GRAMD2B: variants seen among roughly 807,000 people sequenced by gnomAD.
The protein encoded by GRAMD2B is GRAM domain-containing protein 2B.
Under a neutral mutation model 59.2 loss-of-function variants are expected in GRAMD2B, and 41 were observed. The observed-to-expected ratio is 0.69, with a 90% CI of 0.54 to 0.90. GRAMD2B has a LOEUF of 0.90. Ranked by LOEUF, GRAMD2B falls within the 40% of genes least tolerant of loss-of-function variation. The pLI, the probability that GRAMD2B is intolerant of heterozygous loss-of-function variation, is 0.00. For missense variants in GRAMD2B, 424 were observed against 500.5 expected (o/e 0.85, Z 1.46); for synonymous variants, 161 against 182.7 (o/e 0.88, Z 0.96).
At chr5:126,390,515 A>G (rs1262875550) in intron 1 of GRAMD2B, among the ~76,000 whole-genome samples, 1 of 152,254 alleles carries the variant, frequency 6.6e-6, no homozygotes, top group African/African-American at 2.4e-5. Context: ...ATTCTTCTTT[A>G]GACCCCAAAG....
At chr5:126,364,939 G>A (rs548077420) in intron 1 of GRAMD2B, among the ~76,000 whole-genome samples, 1 of 152,236 alleles carries the variant, frequency 6.6e-6, no homozygotes, top group South Asian at 2.1e-4. Context: ...AAGATGTGTC[G>A]GTTTCTCACT....
chr5:126,408,218 T>G (rs1220410274), intron 1 of GRAMD2B, among the ~76,000 whole-genome samples: 2 of 152,088 alleles, frequency 1.3e-5, no homozygotes, highest in East Asian at 3.9e-4. Flanking sequence ...TTTCTGTTCC[T>G]GTGTTAATTC....
chr5:126,417,113 A>T (rs930296847), intron 1 of GRAMD2B, among the ~76,000 whole-genome samples: 2 of 152,230 alleles, frequency 1.3e-5, no homozygotes, highest in African/African-American at 4.8e-5. Context: ...TATTATCTGC[A>T]CTGTGATATC....
intron 1 of GRAMD2B, among the ~76,000 whole-genome samples, chr5:126,409,612 C>T (rs183396116): frequency 1.2e-3 from 190 of 152,050 alleles, no homozygotes; most frequent in African/African-American, 4.0e-3. Flanking sequence ...GAGTAGGTTG[C>T]GAAAATTTTC....
chr5:126,420,070 A>AAAAG (rs1561495578), upstream of GRAMD2B, among the ~76,000 whole-genome samples: 14 of 148,220 alleles, frequency 9.4e-5, no homozygotes, highest in African/African-American at 2.1e-4. Flanking sequence ...AAAAAAAAAA[A>AAAAG]AAAGAAAGAA....
At chr5:126,481,722 C>A (rs1933883508) in intron 8 of GRAMD2B, among the ~76,000 whole-genome samples, 1 of 152,072 alleles carries the variant, frequency 6.6e-6, no homozygotes, top group Non-Finnish European at 1.5e-5. Flanking sequence ...AATCCCAGCA[C>A]TTTGGGAGGC....
chr5:126,425,336 C>T (rs1039317283), intron 1 of GRAMD2B, among the ~76,000 whole-genome samples: 2 of 152,136 alleles, frequency 1.3e-5, no homozygotes, highest in Non-Finnish European at 2.9e-5. Flanking sequence ...GGTATATATA[C>T]ACAATATTAT....
chr5:126,462,380 C>T, intron 1 of GRAMD2B: 1 of 984,216 alleles, frequency 1.0e-6, no homozygotes, highest in South Asian at 4.7e-5. Flanking sequence ...CACTCAAACA[C>T]ACGCTAGCCT....
At chr5:126,448,360 T>C (rs1183416863) in intron 1 of GRAMD2B, among the ~76,000 whole-genome samples, 1 of 151,634 alleles carries the variant, frequency 6.6e-6, no homozygotes, top group Non-Finnish European at 1.5e-5. Flanking sequence ...AGAGAAGGCA[T>C]GGCAGCCCAG....
At chr5:126,419,847 G>A (rs1461940033), upstream of GRAMD2B, among the ~76,000 whole-genome samples, 4 of 152,066 alleles carry the variant, frequency 2.6e-5, no homozygotes, top group Non-Finnish European at 4.4e-5. Flanking sequence ...ACCAGGTCAG[G>A]AGTTCGAGAC....
intron 13 of GRAMD2B, among the ~76,000 whole-genome samples, chr5:126,489,242 G>T (rs1218955578): frequency 6.6e-6 from 1 of 152,164 alleles, no homozygotes; most frequent in Non-Finnish European, 1.5e-5. Context: ...CCAACCACTG[G>T]CTTGGCCAGA....
chr5:126,440,464 T>C (rs1763105829), intron 1 of GRAMD2B, among the ~76,000 whole-genome samples: 1 of 152,200 alleles, frequency 6.6e-6, no homozygotes, highest in African/African-American at 2.4e-5. Context: ...TAATGAAGGT[T>C]CAGAAGGAAA....
chr5:126,470,289 G>C (rs1386677447), intron 3 of GRAMD2B, among the ~76,000 whole-genome samples: 6 of 152,204 alleles, frequency 3.9e-5, no homozygotes, highest in Admixed American at 3.9e-4. Flanking sequence ...TATGTCATCA[G>C]AGAGTGTGAT....
chr5:126,459,197 CTATCTGCTA>C (rs1392119429), intron 1 of GRAMD2B: 1 of 152,210 alleles, frequency 6.6e-6, no homozygotes, highest in Admixed American at 6.5e-5. Flanking sequence ...CTCCTTTTAT[CTATCTGCTA>C]ATAAATCTAT....
intron 13 of GRAMD2B, among the ~76,000 whole-genome samples, chr5:126,491,778 G>C (rs865913793): frequency 3.3e-4 from 50 of 151,644 alleles, no homozygotes; most frequent in African/African-American, 1.2e-3. Context: ...CTGTCACCCA[G>C]GCTGGAGTGC....
At chr5:126,378,607 C>A (rs547203166) in intron 1 of GRAMD2B, among the ~76,000 whole-genome samples, 42 of 152,006 alleles carry the variant, frequency 2.8e-4, no homozygotes, top group Non-Finnish European at 5.0e-4. Context: ...TTTTTCTATT[C>A]GTAGAACTTG....
intron 1 of GRAMD2B, among the ~76,000 whole-genome samples, chr5:126,413,725 T>C (rs1759028061): frequency 6.6e-6 from 1 of 152,136 alleles, no homozygotes; most frequent in Non-Finnish European, 1.5e-5. Context: ...ATTGTGTGAC[T>C]GTCTGTGTCT....
upstream of GRAMD2B, among the ~76,000 whole-genome samples, chr5:126,367,187 G>C (rs1343268713): frequency 6.6e-6 from 1 of 152,050 alleles, no homozygotes; most frequent in African/African-American, 2.4e-5. Flanking sequence ...CCAAATCACA[G>C]TACTATGTGC....
chr5:126,450,652 TAAAAAAAAAAAAA>T (rs10544199), intron 1 of GRAMD2B, among the ~76,000 whole-genome samples: 8 of 96,054 alleles, frequency 8.3e-5, no homozygotes, highest in African/African-American at 2.9e-4. Flanking sequence ...AGCCTGCTGT[TAAAAAAAAAAAAA>T]AAAAAAAAAA....
Sources: gnomAD v4.1 joint callset for allele counts (sites outside exome capture counted in the v4.1 genomes callset) on GRCh38, gnomAD v4.1.1 for gene constraint, MANE v1.5 for transcripts, NCBI Gene and HGNC (gene_info 2026-07-23, HGNC 2026-07-21) for gene names.